Variants in NALF1 observed in about 807,000 individuals in gnomAD.
The protein encoded by NALF1 is family with sequence similarity 155 member A.
Under a neutral mutation model 48.4 loss-of-function variants are expected in NALF1, and 3 were observed. The ratio of observed to expected loss-of-function variants is 0.06; its 90% confidence interval spans 0.03 to 0.16. The LOEUF is 0.16. Ranked by LOEUF, NALF1 falls within the 10% of genes least tolerant of loss-of-function variation. The probability of loss-of-function intolerance (pLI) is 1.00; values close to 1 mark genes in which losing one functional copy is unlikely to be tolerated. For synonymous variants in NALF1, 262 were observed against 245.7 expected (o/e 1.07, Z -0.62); for missense variants, 526 against 571.5 (o/e 0.92, Z 0.81).
At chr13:107,832,877 T>C (rs1879781393) in intron 1 of NALF1, among the ~76,000 whole-genome samples, 1 of 151,702 alleles carries the variant, frequency 6.6e-6, no homozygotes, top group African/African-American at 2.4e-5. Context: ...ATAGGCTGCA[T>C]CTTCTTAAGA....
intron 1 of NALF1, among the ~76,000 whole-genome samples, chr13:107,755,856 G>C (rs2138556709): frequency 6.6e-6 from 1 of 152,224 alleles, no homozygotes; most frequent in South Asian, 2.1e-4. Context: ...GTGAAGAAAA[G>C]CAGATTCAGC....
chr13:107,204,911 T>C (rs974087072), intron 2 of NALF1, among the ~76,000 whole-genome samples: 1 of 151,728 alleles, frequency 6.6e-6, no homozygotes, highest in African/African-American at 2.4e-5. Context: ...CAGGGGAAAA[T>C]AAATAAATTG....
intron 1 of NALF1, among the ~76,000 whole-genome samples, chr13:107,857,049 C>T (rs1016565168): frequency 3.9e-5 from 6 of 152,212 alleles, no homozygotes; most frequent in Admixed American, 1.3e-4. Context: ...GGACAATTTT[C>T]GTCAAGTTAA....
chr13:107,786,181 C>G (rs951042914), intron 1 of NALF1, among the ~76,000 whole-genome samples: 1 of 152,040 alleles, frequency 6.6e-6, no homozygotes, highest in Admixed American at 6.5e-5. Context: ...CTTTGGGAGG[C>G]TGAGGCGGGC....
chr13:107,620,731 C>T (rs780136653), intron 1 of NALF1, among the ~76,000 whole-genome samples: 5 of 152,122 alleles, frequency 3.3e-5, no homozygotes, highest in Non-Finnish European at 7.4e-5. Context: ...AAATATTAAG[C>T]GTGTTTCCAC....
chr13:107,779,970 G>A (rs1282276299), intron 1 of NALF1, among the ~76,000 whole-genome samples: 2 of 151,518 alleles, frequency 1.3e-5, no homozygotes, highest in Non-Finnish European at 2.9e-5. Flanking sequence ...AAGTTAGTAT[G>A]GAATGTTTAT....
chr13:107,259,848 A>G (rs1880896228), intron 1 of NALF1, among the ~76,000 whole-genome samples: 1 of 152,230 alleles, frequency 6.6e-6, no homozygotes, highest in Non-Finnish European at 1.5e-5. Flanking sequence ...AAGAGGTTTG[A>G]AAGTATCATT....
chr13:107,434,153 T>C (rs1229858108), intron 1 of NALF1, among the ~76,000 whole-genome samples: 1 of 152,102 alleles, frequency 6.6e-6, no homozygotes, highest in African/African-American at 2.4e-5. Context: ...GAATAAGAGG[T>C]CTAGTTTCAG....
Position 107,751,162 on chromosome 13 carries a change from T to C in NALF1, c.915+114520A>G, listed in dbSNP as rs570744692. Among the ~76,000 whole-genome samples the C allele has an allele frequency of 2.6e-5, 4 of 152,356 alleles. No homozygotes were observed. The East Asian group carries it at 7.7e-4, about 29-fold the overall frequency. ...TATCTATTTTGTAGGCATAGGAGGTTTCAGTTGAGTGACCTGCCTTACCCT... is the reference window on the plus strand; with the variant it reads ...TATCTATTTTGTAGGCATAGGAGGTCTCAGTTGAGTGACCTGCCTTACCCT... On this transcript the variant is annotated intron_variant, in intron 1 of 2. Transcript: ENST00000375915.
At chr13:107,529,488 T>G (rs1876554623) in intron 1 of NALF1, among the ~76,000 whole-genome samples, 1 of 152,154 alleles carries the variant, frequency 6.6e-6, no homozygotes, top group Non-Finnish European at 1.5e-5. Flanking sequence ...TCTTAGATGT[T>G]CCTCAAACTT....
chr13:107,366,130 T>A (rs918641616), intron 1 of NALF1, among the ~76,000 whole-genome samples: 2 of 152,226 alleles, frequency 1.3e-5, no homozygotes, highest in African/African-American at 4.8e-5. Context: ...TCTTAGCATA[T>A]GCAGAGACTC....
chr13:107,866,053 A>G lies in NALF1; in HGVS notation c.544T>C (p.Phe182Leu). 1.9e-6 allele frequency: 3 copies of G among 1,612,710 alleles called. No individual in the cohort carries two copies. The highest frequency in any genetic ancestry group is 2.5e-6 in the Non-Finnish European group (3 of 1,179,958). The change falls in exon 1 of 3, where the codon TTC becomes CTC. Residue 182 changes from phenylalanine (F) to leucine (L), a missense_variant. Around this residue, in one of 2 missense-constraint regions of NALF1, gnomAD observed 373 missense variants for 355.5 expected, o/e 1.05. Transcript: ENST00000375915. The surrounding 1 kb of genome is among the most constrained non-coding windows in gnomAD (Gnocchi z 4.4). ...YPQGASSGQC[F>L]TVENADAVCA... ...ACCGCGTCCGCATTCTCCACCGTGA[A>G]GCACTGGCCCGAGGACGCGCCCTGG...
At chr13:107,558,368 A>G (rs1165476304) in intron 1 of NALF1, among the ~76,000 whole-genome samples, 2 of 152,128 alleles carry the variant, frequency 1.3e-5, no homozygotes, top group African/African-American at 4.8e-5. Context: ...ATAGCACAAA[A>G]ATTATCATTG....
In NALF1 at chr13:107,264,228, T is replaced by C. The variant is rs1880997216; in HGVS notation, c.916-53473A>G. 2.0e-5 allele frequency among the ~76,000 whole-genome samples: 3 copies of C among 148,548 alleles called. No individual in the cohort carries two copies. The South Asian group carries it at 6.2e-4, about 31-fold the overall frequency. On this transcript the variant is annotated intron_variant, in intron 1 of 2. Transcript: ENST00000375915. ...TTTATCAATTATATTGCCAACTTAA[T>C]AATTATCATGGTCATTTTATGTAAG...
At chr13:107,262,896 G>A (rs1341537075) in intron 1 of NALF1, among the ~76,000 whole-genome samples, 4 of 151,808 alleles carry the variant, frequency 2.6e-5, no homozygotes, top group African/African-American at 7.3e-5. Context: ...TAATTGTAAC[G>A]TATGCACATG....
In NALF1 at chr13:107,834,810, T is replaced by C. The variant is rs150756481; in HGVS notation, c.915+30872A>G. Among the ~76,000 whole-genome samples, 8 of 152,362 alleles carry C rather than the reference T, an allele frequency of 5.3e-5. No individual in the cohort carries two copies. The East Asian group carries it at 1.5e-3, about 29-fold the overall frequency. On this transcript the variant is annotated intron_variant, in intron 1 of 2. Coordinates refer to ENST00000375915, the MANE Select transcript of NALF1 (RefSeq NM_001080396.3). The stretch of plus-strand genomic sequence containing the variant: ...AACATTGTTCATCTGTAGCATTGCT[T>C]TCCTAACTGTGGGACGATAATTTCC...
At chr13:107,415,395 T>C (rs891070143) in intron 1 of NALF1, among the ~76,000 whole-genome samples, 5 of 152,100 alleles carry the variant, frequency 3.3e-5, no homozygotes, top group Non-Finnish European at 5.9e-5. Flanking sequence ...TTTTTTTCTT[T>C]TTCTGTGTGA....
At chr13:107,407,719 A>T (rs975257227) in intron 1 of NALF1, among the ~76,000 whole-genome samples, 1 of 152,124 alleles carries the variant, frequency 6.6e-6, no homozygotes, top group Admixed American at 6.6e-5. Flanking sequence ...ATCTAGAGCT[A>T]CCATATGATC....
chr13:107,494,201 G>A (rs934911991), intron 1 of NALF1, among the ~76,000 whole-genome samples: 1 of 138,444 alleles, frequency 7.2e-6, no homozygotes, highest in African/African-American at 3.5e-5. Flanking sequence ...GAAACCGGTA[G>A]GCGAAAATTA....
Sources: gnomAD v4.1 joint callset for allele counts (sites outside exome capture counted in the v4.1 genomes callset) on GRCh38, gnomAD v4.1.1 for gene constraint, gnomAD v4.1.1 regional missense constraint, Gnocchi (gnomAD v3.1) non-coding constraint, MANE v1.5 for transcripts, NCBI Gene and HGNC (gene_info 2026-07-23, HGNC 2026-07-21) for gene names.